TIAM2: variants seen among roughly 807,000 people sequenced by gnomAD.
The protein encoded by TIAM2 is rho guanine nucleotide exchange factor TIAM2.
TIAM2 carries 80 observed loss-of-function variants against 152.9 expected under a neutral mutation model. The ratio of observed to expected loss-of-function variants is 0.52; its 90% CI spans 0.44 to 0.63. TIAM2 has a LOEUF of 0.63. TIAM2 is among the 30% of genes least tolerant of loss of function. The pLI is 0.00. For synonymous variants in TIAM2, 804 were observed against 838.0 expected, an observed-to-expected ratio of 0.96 and a Z score of 0.70; for missense variants, 1,965 against 2,120.1, an observed-to-expected ratio of 0.93 and a Z score of 1.44.
At chr6:155,253,418 G>A (rs912557473) in intron 24 of TIAM2, 1 of 203,648 alleles carries the variant, frequency 4.9e-6, no homozygotes, top group Non-Finnish European at 9.8e-6. Context: ...AGGTAGTACT[G>A]TAGGTGATAT....
At chr6:155,049,509 CTG>C (rs1191906411) in intron 1 of TIAM2, among the ~76,000 whole-genome samples, 1 of 152,172 alleles carries the variant, frequency 6.6e-6, no homozygotes, top group Non-Finnish European at 1.5e-5. Context: ...GCTGTAGTAA[CTG>C]TGACTTGGCT....
At chr6:155,198,738 G>GA (rs1781410995) in intron 14 of TIAM2, among the ~76,000 whole-genome samples, 1 of 150,994 alleles carries the variant, frequency 6.6e-6, no homozygotes, top group South Asian at 2.1e-4. Flanking sequence ...AATTATGGGG[G>GA]ATAAAAGGAA....
At chr6:155,178,078 G>A (rs548382664) in intron 10 of TIAM2, among the ~76,000 whole-genome samples, 46 of 151,154 alleles carry the variant, frequency 3.0e-4, no homozygotes, top group African/African-American at 9.0e-4. Context: ...GGAGAATGGC[G>A]TCAACCTGGG....
chr6:155,054,335 A>G (rs902099516), intron 1 of TIAM2, among the ~76,000 whole-genome samples: 3 of 152,196 alleles, frequency 2.0e-5, no homozygotes, highest in African/African-American at 4.8e-5. Context: ...TGGGGAATTC[A>G]GTAGGATGAT....
intron 10 of TIAM2, among the ~76,000 whole-genome samples, chr6:155,178,527 C>G (rs1398936975): frequency 1.3e-5 from 2 of 152,070 alleles, no homozygotes; most frequent in Non-Finnish European, 2.9e-5. Context: ...CGAAAACCTT[C>G]TTAAAAATAA....
intron 1 of TIAM2, among the ~76,000 whole-genome samples, chr6:154,998,617 GAT>G (rs1302805505): frequency 6.6e-6 from 1 of 152,160 alleles, no homozygotes; most frequent in Non-Finnish European, 1.5e-5. Flanking sequence ...ATAAGATTGT[GAT>G]ATAAAATTAT....
At chr6:155,015,410 G>C (rs989560619) in intron 1 of TIAM2, among the ~76,000 whole-genome samples, 2 of 152,142 alleles carry the variant, frequency 1.3e-5, no homozygotes, top group South Asian at 4.1e-4. Flanking sequence ...TCTGGGCTGG[G>C]TATGTAGATT....
chr6:155,171,358 G>T (rs1417481052), intron 9 of TIAM2, among the ~76,000 whole-genome samples: 1 of 152,196 alleles, frequency 6.6e-6, no homozygotes, highest in African/African-American at 2.4e-5. Flanking sequence ...TTGAAGGGAG[G>T]TGTTTGTCAT....
At chr6:155,090,707 A>G (rs1778283645) in intron 2 of TIAM2, among the ~76,000 whole-genome samples, 1 of 152,112 alleles carries the variant, frequency 6.6e-6, no homozygotes, top group Non-Finnish European at 1.5e-5. Context: ...CCGTCCTTTT[A>G]TGTGCCACAT....
intron 1 of TIAM2, among the ~76,000 whole-genome samples, chr6:155,082,765 T>C (rs1778095313): frequency 6.6e-6 from 1 of 152,120 alleles, no homozygotes; most frequent in African/African-American, 2.4e-5. Flanking sequence ...TGTCTTTTGG[T>C]AGTTCCTTTA....
At chr6:155,065,529 G>A (rs1777674004) in intron 1 of TIAM2, among the ~76,000 whole-genome samples, 1 of 151,956 alleles carries the variant, frequency 6.6e-6, no homozygotes. Context: ...TGTAATCCCA[G>A]CACTTTGGGA....
intron 15 of TIAM2, among the ~76,000 whole-genome samples, chr6:155,227,470 G>A (rs1263056002): frequency 1.3e-5 from 2 of 152,222 alleles, no homozygotes; most frequent in Non-Finnish European, 1.5e-5. Flanking sequence ...GTCCTAGGCA[G>A]TGACTGTACC....
intron 1 of TIAM2, among the ~76,000 whole-genome samples, chr6:155,056,549 T>A (rs896335854): frequency 1.3e-5 from 2 of 152,154 alleles, no homozygotes; most frequent in African/African-American, 4.8e-5. Context: ...ATCCGAGTCT[T>A]GCTCTTTTGC....
intron 5 of TIAM2, 43 bp from the exon 6 acceptor site, chr6:155,144,563 T>A (rs769242760): frequency 2.1e-6 from 3 of 1,462,080 alleles, no homozygotes; most frequent in East Asian, 2.7e-5. Flanking sequence ...TTCCTGCATC[T>A]CCAGGTCTGA....
At chr6:155,210,280 AT>A (rs1409437325) in intron 14 of TIAM2, among the ~76,000 whole-genome samples, 2 of 151,484 alleles carry the variant, frequency 1.3e-5, no homozygotes, top group African/African-American at 2.4e-5. Context: ...TTATTTTTAT[AT>A]TTTAATTATT....
At chr6:155,088,825 T>TTG (rs548609740) in intron 1 of TIAM2, among the ~76,000 whole-genome samples, 49 of 152,344 alleles carry the variant, frequency 3.2e-4, no homozygotes, top group African/African-American at 1.0e-3. Context: ...TAAAAGCTCA[T>TTG]CAGCTATCAT....
At chr6:155,014,254 T>C (rs762462016) in intron 1 of TIAM2, among the ~76,000 whole-genome samples, 30 of 152,228 alleles carry the variant, frequency 2.0e-4, no homozygotes, top group Non-Finnish European at 1.0e-4. Context: ...AGCTAGTGTT[T>C]ATACTATTTG....
chr6:155,033,500 G>A (rs1177176819), intron 1 of TIAM2, among the ~76,000 whole-genome samples: 2 of 152,010 alleles, frequency 1.3e-5, no homozygotes, highest in African/African-American at 2.4e-5. Context: ...AGCAGGTTTC[G>A]CAGGTTTAAA....
At chr6:155,208,648 A>G (rs1249615943) in intron 14 of TIAM2, among the ~76,000 whole-genome samples, 1 of 152,190 alleles carries the variant, frequency 6.6e-6, no homozygotes, top group African/African-American at 2.4e-5. Flanking sequence ...TAGGACATAG[A>G]AACCAGGCGT....
Sources: allele counts gnomAD v4.1 joint callset (sites outside exome capture counted in the v4.1 genomes callset), GRCh38; gene constraint gnomAD v4.1.1; transcripts MANE v1.5; gene names NCBI Gene and HGNC (gene_info 2026-07-23, HGNC 2026-07-21).